HFM1: variants seen among roughly 807,000 people sequenced by gnomAD.
The protein encoded by HFM1 is helicase for meiosis 1.
A neutral mutation model predicts 192.1 loss-of-function variants in HFM1; 169 were observed. That is an observed-to-expected ratio of 0.88 (90% CI 0.78 to 1.00). The LOEUF (loss-of-function observed/expected upper bound fraction) is 1.00, where lower values mean the gene tolerates loss of function less well. Among genes scored for constraint, HFM1 ranks in the 50% least tolerant of loss-of-function variants. The pLI is 0.00. For synonymous variants in HFM1, 525 were observed against 537.8 expected, an observed-to-expected ratio of 0.98 and a Z score of 0.33; for missense variants, 1,661 against 1,668.0, an observed-to-expected ratio of 1.00 and a Z score of 0.07.
intron 30 of HFM1, among the ~76,000 whole-genome samples, chr1:91,292,583 C>T (rs1197089930): frequency 6.6e-6 from 1 of 151,984 alleles, no homozygotes; most frequent in Non-Finnish European, 1.5e-5. Flanking sequence ...ACATTCCATG[C>T]TCACGGGTAG....
At chr1:91,300,690 A>G (rs1648602669) in intron 30 of HFM1, among the ~76,000 whole-genome samples, 2 of 152,206 alleles carry the variant, frequency 1.3e-5, no homozygotes, top group African/African-American at 4.8e-5. Flanking sequence ...AAACCACACG[A>G]TTATCTCAAT....
In HFM1 at chr1:91,316,194, T is replaced by C. The variant is rs747951493; in HGVS notation, c.2899-10A>G. 6.8e-7 allele frequency: 1 copy of C among 1,462,318 alleles called. No homozygotes were observed. The highest frequency in any genetic ancestry group is 9.4e-7 in the Non-Finnish European group (1 of 1,060,528). 90.6% of individuals were successfully genotyped at this position (1,462,318 alleles called of 1,614,324 possible). A position where few individuals can be genotyped will look rare whatever the true frequency, so the allele number is the denominator to read the frequency against. On this transcript the variant is annotated splice_polypyrimidine_tract_variant and intron_variant, in intron 26 of 38. Transcript: ENST00000370425. The stretch of plus-strand genomic sequence containing the variant: ...GATGTCTGTTTAAAATCTAAAAATA[T>C]TTACATCATTATATTCTTACCACAA...
intron 20 of HFM1, chr1:91,328,526 G>A: frequency 6.2e-7 from 1 of 1,613,198 alleles, no homozygotes. Context: ...GTTCGCCAGG[G>A]TGGGGATGTG....
chr1:91,388,552 C>G (rs771832991), intron 4 of HFM1, among the ~76,000 whole-genome samples: 1 of 151,922 alleles, frequency 6.6e-6, no homozygotes, highest in Admixed American at 6.6e-5. Context: ...TATCTACATG[C>G]AAAAAGAATG....
At chr1:91,370,639 G>C (rs1484627479) in intron 13 of HFM1, among the ~76,000 whole-genome samples, 2 of 152,114 alleles carry the variant, frequency 1.3e-5, no homozygotes, top group Non-Finnish European at 2.9e-5. Flanking sequence ...ATATCATACT[G>C]AATGGGCAAA....
chr1:91,272,962 C>T (rs190531808), intron 34 of HFM1, among the ~76,000 whole-genome samples: 2 of 152,050 alleles, frequency 1.3e-5, no homozygotes, highest in East Asian at 3.9e-4. Context: ...TTTCTACATA[C>T]AGCCACTTGA....
intron 30 of HFM1, among the ~76,000 whole-genome samples, chr1:91,296,556 C>T (rs906864971): frequency 6.6e-6 from 1 of 151,848 alleles, no homozygotes; most frequent in South Asian, 2.1e-4. Context: ...AAAAAAATGA[C>T]AACAACAACA....
intron 30 of HFM1, among the ~76,000 whole-genome samples, chr1:91,298,969 C>G (rs1212484856): frequency 6.6e-6 from 1 of 152,086 alleles, no homozygotes; most frequent in Non-Finnish European, 1.5e-5. Context: ...GGGCTAAATG[C>G]TCCAATTAAA....
chr1:91,263,593 T>G (rs2100666370), intron 36 of HFM1, among the ~76,000 whole-genome samples: 1 of 151,934 alleles, frequency 6.6e-6, no homozygotes, highest in Admixed American at 6.6e-5. Context: ...AAAAAAATTT[T>G]TTTTAATTAC....
rs914342182 is a variant in HFM1 at position 91,380,987 on chromosome 1, C to T, written c.803-5G>A. 3.0e-6 allele frequency: 4 copies of T among 1,346,058 alleles called. No individual in the cohort carries two copies. The highest frequency in any genetic ancestry group is 1.7e-5 in the Admixed American group (1 of 58,498). 83.4% of individuals were successfully genotyped at this position (1,346,058 alleles called of 1,614,324 possible). A position where few individuals can be genotyped will look rare whatever the true frequency, so the allele number is the denominator to read the frequency against. On this transcript the variant is annotated splice_polypyrimidine_tract_variant and splice_region_variant and intron_variant, in intron 6 of 38. Coordinates refer to ENST00000370425, the MANE Select transcript of HFM1 (RefSeq NM_001017975.6). ...AAATACTTCTAAATTTTGCCGCTTA[C>T]AATAACATTAAGGAGTCAAATATTT...
Position 91,353,041 on chromosome 1 carries a change from T to C in HFM1, c.1831+10A>G. 1.3e-6 allele frequency: 2 copies of C among 1,525,028 alleles called. No individual in the cohort carries two copies. Among genetic ancestry groups the C allele is most frequent in the African/African-American group, 1.4e-5 (1 of 72,744 alleles). 94.5% of individuals were successfully genotyped at this position (1,525,028 alleles called of 1,614,324 possible). ...TTTTATAGTATCCACGAGAAATATG[T>C]TTTACTTACAAAGAACTGGTAAATC... On this transcript the variant is annotated intron_variant, in intron 15 of 38. Coordinates refer to ENST00000370425, the MANE Select transcript of HFM1 (RefSeq NM_001017975.6).
At chr1:91,271,824 T>C (rs1666328112) in intron 34 of HFM1, among the ~76,000 whole-genome samples, 1 of 152,150 alleles carries the variant, frequency 6.6e-6, no homozygotes. Context: ...TTTATAGAAA[T>C]GGCATTGGGC....
chr1:91,387,932 A>T (rs201739075), intron 4 of HFM1, among the ~76,000 whole-genome samples: 34 of 60,826 alleles, frequency 5.6e-4, no homozygotes, highest in Middle Eastern at 7.2e-3. Context: ...AAAAAAAATT[A>T]AAAAAAAAAA....
intron 18 of HFM1, among the ~76,000 whole-genome samples, chr1:91,348,403 T>G (rs148326734): frequency 1.3e-5 from 2 of 152,298 alleles, no homozygotes; most frequent in African/African-American, 4.8e-5. Flanking sequence ...GGTACCAATT[T>G]AGCCACAGGT....
At chr1:91,335,128 A>G (rs968124174) in intron 20 of HFM1, among the ~76,000 whole-genome samples, 1 of 152,156 alleles carries the variant, frequency 6.6e-6, no homozygotes, top group African/African-American at 2.4e-5. Context: ...CAGAGTTACA[A>G]GCACCAAGGA....
intron 20 of HFM1, 146 bp downstream of exon 20, chr1:91,343,284 C>T: frequency 4.2e-6 from 1 of 240,642 alleles, no homozygotes; most frequent in Non-Finnish European, 8.7e-6. Context: ...TTAAATTTAT[C>T]ATGCCTATGG....
intron 30 of HFM1, among the ~76,000 whole-genome samples, chr1:91,307,560 C>T (rs1001807180): frequency 3.3e-5 from 5 of 152,074 alleles, no homozygotes; most frequent in Non-Finnish European, 7.3e-5. Flanking sequence ...TCAAATGATC[C>T]TCCCACCTCA....
At position 91,385,236 on chromosome 1, in the gene HFM1, T is replaced by G; in HGVS notation, c.755-2A>C. ...AACCTAAACCATTTTCTGTTACCTC[T>G]GAAAAAAAAATGCTACATATTTATA... On this transcript the variant is annotated splice_acceptor_variant, in intron 5 of 38. Transcript: ENST00000370425. LOFTEE classifies it high-confidence loss of function. 2 of 1,530,454 alleles carry G rather than the reference T, an allele frequency of 1.3e-6. No homozygotes were observed. 94.8% of individuals were successfully genotyped at this position (1,530,454 alleles called of 1,614,324 possible).
chr1:91,294,425 A>T (rs1326059300), intron 30 of HFM1, among the ~76,000 whole-genome samples: 1 of 152,148 alleles, frequency 6.6e-6, no homozygotes, highest in Non-Finnish European at 1.5e-5. Context: ...TATGTTAGTG[A>T]TATTCATTCA....
Sources: allele counts gnomAD v4.1 joint callset (sites outside exome capture counted in the v4.1 genomes callset), GRCh38; gene constraint gnomAD v4.1.1; transcripts MANE v1.5; gene names NCBI Gene and HGNC (gene_info 2026-07-23, HGNC 2026-07-21).